WDFY4: variants seen among roughly 807,000 people sequenced by gnomAD.
WDFY4 encodes WD repeat- and FYVE domain-containing protein 4.
A neutral mutation model predicts 351.9 loss-of-function variants in WDFY4; 169 were observed. That is an observed-to-expected ratio of 0.48 (90% CI 0.42 to 0.55). The LOEUF (loss-of-function observed/expected upper bound fraction) is 0.55, where lower values mean the gene tolerates loss of function less well. WDFY4 is among the 20% of genes least tolerant of loss of function. The pLI, the probability that WDFY4 is intolerant of heterozygous loss-of-function variation, is 0.00. For missense variants in WDFY4, 3,803 were observed against 3,935.6 expected (o/e 0.97, Z 0.90); for synonymous variants, 1,622 against 1,574.6 (o/e 1.03, Z -0.71).
chr10:48,855,167 A>G (rs1345760532), intron 39 of WDFY4, among the ~76,000 whole-genome samples: 1 of 152,182 alleles, frequency 6.6e-6, no homozygotes, highest in Non-Finnish European at 1.5e-5. Flanking sequence ...GTTTGCCAAT[A>G]AACACTTTTT....
intron 44 of WDFY4, 126 bp downstream of exon 44, chr10:48,890,853 A>G: frequency 7.4e-7 from 1 of 1,354,014 alleles, no homozygotes; most frequent in Non-Finnish European, 1.0e-6. Context: ...AAACTGAGCC[A>G]TGAGATAAAA....
At chr10:48,976,165 C>A (rs1172914166) in intron 58 of WDFY4, among the ~76,000 whole-genome samples, 1 of 152,174 alleles carries the variant, frequency 6.6e-6, no homozygotes, top group African/African-American at 2.4e-5. Context: ...TGGAGGGGCA[C>A]TGAGCACCCT....
intron 51 of WDFY4, among the ~76,000 whole-genome samples, chr10:48,955,471 C>G (rs1430164394): frequency 1.3e-5 from 2 of 152,220 alleles, no homozygotes; most frequent in Non-Finnish European, 2.9e-5. Context: ...GAGCTGAGTT[C>G]CCCCTTGGCC....
chr10:48,898,022 C>T (rs1453904361), intron 45 of WDFY4, among the ~76,000 whole-genome samples: 2 of 152,054 alleles, frequency 1.3e-5, no homozygotes, highest in Non-Finnish European at 1.5e-5. Flanking sequence ...AGGTGCTCGC[C>T]TATTGCCAAG....
At chr10:48,803,097 G>A (rs934541160) in intron 24 of WDFY4, among the ~76,000 whole-genome samples, 189 bp from the exon 25 acceptor site, 1 of 152,192 alleles carries the variant, frequency 6.6e-6, no homozygotes, top group African/African-American at 2.4e-5. Context: ...GCGAGAGAAG[G>A]CCTTCCTACA....
chr10:48,928,075 G>A (rs1839725209), intron 47 of WDFY4, among the ~76,000 whole-genome samples: 1 of 152,168 alleles, frequency 6.6e-6, no homozygotes, highest in Non-Finnish European at 1.5e-5. Flanking sequence ...TTTAAGCGCT[G>A]CTATTGCCAG....
intron 40 of WDFY4, among the ~76,000 whole-genome samples, chr10:48,868,425 A>G (rs1305356474): frequency 6.6e-6 from 1 of 151,902 alleles, no homozygotes; most frequent in African/African-American, 2.4e-5. Context: ...TCTTTCACAG[A>G]CCCTTTGGTT....
chr10:48,941,929 G>C, intron 48 of WDFY4, 81 bp downstream of exon 48: 1 of 1,358,026 alleles, frequency 7.4e-7, no homozygotes. Context: ...GAGAGGAAGT[G>C]TGTGGATCAA....
At chr10:48,856,434 T>C (rs2069136422) in intron 39 of WDFY4, among the ~76,000 whole-genome samples, 1 of 152,166 alleles carries the variant, frequency 6.6e-6, no homozygotes, top group Admixed American at 6.5e-5. Flanking sequence ...CTTTTTCAAC[T>C]ACATGTCTAT....
chr10:48,705,930 T>A (rs2063615148), intron 1 of WDFY4, among the ~76,000 whole-genome samples: 2 of 152,200 alleles, frequency 1.3e-5, no homozygotes, highest in African/African-American at 4.8e-5. Context: ...TAGAGCCAGT[T>A]AGTAAAGCCT....
chr10:48,932,179 A>AGTGG (rs1173852163), intron 47 of WDFY4, among the ~76,000 whole-genome samples: 6 of 152,222 alleles, frequency 3.9e-5, no homozygotes, highest in African/African-American at 1.4e-4. Context: ...ACCAGTGTTC[A>AGTGG]GTGGGCACTC....
At chr10:48,882,414 A>G (rs1294577653) in intron 43 of WDFY4, among the ~76,000 whole-genome samples, 1 of 152,204 alleles carries the variant, frequency 6.6e-6, no homozygotes, top group Admixed American at 6.5e-5. Flanking sequence ...TAGATGTCAG[A>G]AGCCCTTGCC....
At chr10:48,866,306 A>G (rs1011856287) in intron 39 of WDFY4, among the ~76,000 whole-genome samples, 7 of 152,098 alleles carry the variant, frequency 4.6e-5, no homozygotes, top group African/African-American at 1.4e-4. Context: ...ATTCATCTCA[A>G]AAAGTTCCCT....
chr10:48,887,406 C>T lies in WDFY4; in HGVS notation c.7168-3173C>T, dbSNP rs193286111. 3.3e-4 allele frequency among the ~76,000 whole-genome samples: 50 copies of T among 152,298 alleles called. 1 individual carries two copies. In the East Asian group the frequency reaches 9.5e-3, roughly 29 times the overall value. On this transcript the variant is annotated intron_variant, in intron 43 of 61. Coordinates refer to ENST00000325239, the MANE Select transcript of WDFY4 (RefSeq NM_001394531.1). Reference sequence around the variant, plus strand: ...CTGGTGGGAGTGTAAATTAGTGTCACCTTGTGGGAGGGTAATCTGGCAATG... The same window carrying T: ...CTGGTGGGAGTGTAAATTAGTGTCATCTTGTGGGAGGGTAATCTGGCAATG...
At chr10:48,964,864 A>G (rs1842008712) in intron 54 of WDFY4, among the ~76,000 whole-genome samples, 1 of 152,136 alleles carries the variant, frequency 6.6e-6, no homozygotes. Flanking sequence ...CCCACATGCA[A>G]CCATGAGGAC....
intron 10 of WDFY4, among the ~76,000 whole-genome samples, chr10:48,735,677 T>C (rs2132368309): frequency 6.6e-6 from 1 of 152,252 alleles, no homozygotes. Flanking sequence ...TTTAAAAAAA[T>C]CATCAGATCC....
chr10:48,816,158 T>C (rs1210968929), intron 31 of WDFY4, among the ~76,000 whole-genome samples: 1 of 152,232 alleles, frequency 6.6e-6, no homozygotes. Flanking sequence ...AATGGTCTCC[T>C]TTAACTCATG....
intron 5 of WDFY4, among the ~76,000 whole-genome samples, chr10:48,724,368 G>A (rs143503380): frequency 1.4e-4 from 22 of 152,224 alleles, no homozygotes; most frequent in African/African-American, 5.1e-4. Context: ...GAATTCCCAA[G>A]CCCATTCCTC....
chr10:48,932,681 A>T (rs1361456414), intron 47 of WDFY4: 1 of 152,140 alleles, frequency 6.6e-6, no homozygotes, highest in Non-Finnish European at 1.5e-5. Flanking sequence ...AGAAAAAAAA[A>T]ACCAAGGAGC....
Sources: allele counts gnomAD v4.1 joint callset (sites outside exome capture counted in the v4.1 genomes callset), GRCh38; gene constraint gnomAD v4.1.1; transcripts MANE v1.5; gene names NCBI Gene and HGNC (gene_info 2026-07-23, HGNC 2026-07-21).